Variants in RTN1 observed in about 807,000 individuals in gnomAD.
RTN1 encodes the protein reticulon 1, also known as reticulon-1.
Under a neutral mutation model 65.5 loss-of-function variants are expected in RTN1, and 25 were observed. The ratio of observed to expected loss-of-function variants is 0.38; its 90% CI spans 0.28 to 0.53. The LOEUF (loss-of-function observed/expected upper bound fraction) is 0.53, where lower values mean the gene tolerates loss of function less well. Among genes scored for constraint, RTN1 ranks in the 20% least tolerant of loss-of-function variants. The pLI, the probability that RTN1 is intolerant of heterozygous loss-of-function variation, is 0.79. For missense variants in RTN1, 983 were observed against 1,025.4 expected (o/e 0.96, Z 0.57); for synonymous variants, 471 against 447.6 (o/e 1.05, Z -0.66).
intron 3 of RTN1, among the ~76,000 whole-genome samples, chr14:59,690,161 A>T (rs1297937304): frequency 1.3e-5 from 2 of 152,086 alleles, no homozygotes; most frequent in Non-Finnish European, 2.9e-5. Flanking sequence ...CTTAAAAGGC[A>T]CAGAGTGGCA....
rs556890919 is a variant in RTN1 at position 59,749,388 on chromosome 14, A to C, written c.242-2907T>G. On this transcript the variant is annotated intron_variant, in intron 1 of 8. Coordinates refer to ENST00000267484, the MANE Select transcript of RTN1 (RefSeq NM_021136.3). ...TATATATCTATATATCTATATCTATATATATCTATATATATCTATATCTAT... is the reference window on the plus strand; with the variant it reads ...TATATATCTATATATCTATATCTATCTATATCTATATATATCTATATCTAT... Among the ~76,000 whole-genome samples the C allele has an allele frequency of 1.9e-4, 9 of 47,110 alleles. 2 individuals carry two copies. The highest frequency in any genetic ancestry group is 1.1e-3 in the East Asian group (2 of 1,850). The allele number at this position is 47,110 out of a possible 152,430, so 30.9% of individuals were successfully genotyped here.
At chr14:59,740,843 G>T (rs1885101294) in intron 2 of RTN1, among the ~76,000 whole-genome samples, 2 of 152,134 alleles carry the variant, frequency 1.3e-5, no homozygotes, top group Non-Finnish European at 1.5e-5. Flanking sequence ...GGCCCTCTAA[G>T]ATATTGGTTA....
At chr14:59,712,371 G>A (rs998803503) in intron 3 of RTN1, among the ~76,000 whole-genome samples, 1 of 152,164 alleles carries the variant, frequency 6.6e-6, no homozygotes, top group Non-Finnish European at 1.5e-5. Flanking sequence ...GATATTATGG[G>A]TGAGGAACTA....
chr14:59,731,296 G>C (rs954471218), intron 2 of RTN1, among the ~76,000 whole-genome samples: 1 of 152,112 alleles, frequency 6.6e-6, no homozygotes, highest in East Asian at 1.9e-4. Context: ...TCCAGAATAA[G>C]TAAATTTATA....
At chr14:59,614,317 C>T (rs1281669169) in intron 3 of RTN1, among the ~76,000 whole-genome samples, 1 of 152,116 alleles carries the variant, frequency 6.6e-6, no homozygotes, top group African/African-American at 2.4e-5. Flanking sequence ...TGGCCCTGCT[C>T]CTCCAAGGGC....
intron 3 of RTN1, among the ~76,000 whole-genome samples, chr14:59,627,518 T>C (rs988709070): frequency 3.9e-5 from 6 of 152,278 alleles, no homozygotes; most frequent in Admixed American, 3.9e-4. Flanking sequence ...TGTAAGATTG[T>C]TATCTATACA....
At position 59,746,174 on chromosome 14, in the gene RTN1, T is replaced by G; in HGVS notation, c.549A>C (p.Ala183=). The change falls in exon 2 of 9, where the codon GCA becomes GCC. Residue 183 remains alanine, a synonymous_variant. Coordinates refer to ENST00000267484, the MANE Select transcript of RTN1 (RefSeq NM_021136.3). ...AESTEVNKIL[A]DPLDQMKAEA... ...CTGCTTTCATCTGGTCCAGAGGGTC[T>G]GCTAAGATCTTGTTCACTTCCGTGG... 1 of 1,607,044 alleles carries G rather than the reference T, an allele frequency of 6.2e-7. No homozygotes were observed. The highest frequency in any genetic ancestry group is 8.5e-7 in the Non-Finnish European group (1 of 1,177,520).
At chr14:59,625,575 C>A (rs960109082) in intron 3 of RTN1, among the ~76,000 whole-genome samples, 2 of 152,090 alleles carry the variant, frequency 1.3e-5, no homozygotes, top group African/African-American at 4.8e-5. Flanking sequence ...ATTTTATCAA[C>A]ACTGTTTTTG....
In RTN1 at chr14:59,615,180, C is replaced by T. The variant is rs781303214; in HGVS notation, c.1766-7688G>A. 1.3e-3 allele frequency among the ~76,000 whole-genome samples: 198 copies of T among 152,056 alleles called. 6 individuals carry two copies. Among genetic ancestry groups the T allele is most frequent in the East Asian group, 5.8e-4 (3 of 5,170 alleles). ...AAACATTAAAAGCGGCTGGGCATGG[C>T]GGCTCATGCCTGTAATCCCAGCACT... is the stretch of plus-strand genomic sequence containing the variant. On this transcript the variant is annotated intron_variant, in intron 3 of 8. Transcript: ENST00000267484.
chr14:59,762,307 G>C (rs1161037288), intron 1 of RTN1, among the ~76,000 whole-genome samples: 1 of 152,200 alleles, frequency 6.6e-6, no homozygotes, highest in Non-Finnish European at 1.5e-5. Flanking sequence ...TTCCTCACTT[G>C]CAAAAGGAGG....
At chr14:59,760,633 G>A (rs1566717850) in intron 1 of RTN1, among the ~76,000 whole-genome samples, 1 of 152,208 alleles carries the variant, frequency 6.6e-6, no homozygotes, top group African/African-American at 2.4e-5. Context: ...TTTGAAGACA[G>A]CTATGGCCTC....
At chr14:59,692,771 A>G (rs1005054575) in intron 3 of RTN1, among the ~76,000 whole-genome samples, 2 of 152,248 alleles carry the variant, frequency 1.3e-5, no homozygotes, top group Non-Finnish European at 2.9e-5. Flanking sequence ...ACCTACAGCC[A>G]TCTGATATTC....
intron 1 of RTN1, among the ~76,000 whole-genome samples, chr14:59,839,330 C>T (rs561199975): frequency 2.6e-5 from 4 of 152,270 alleles, no homozygotes; most frequent in South Asian, 2.1e-4. Context: ...ACGTTTAAAA[C>T]ACTCATTAGC....
At chr14:59,809,572 T>A (rs1034561420) in intron 1 of RTN1, among the ~76,000 whole-genome samples, 4 of 152,140 alleles carry the variant, frequency 2.6e-5, no homozygotes, top group Non-Finnish European at 4.4e-5. Flanking sequence ...CAGTGAAATA[T>A]AAAGGTAAAT....
intron 2 of RTN1, among the ~76,000 whole-genome samples, chr14:59,741,975 G>GT (rs894147332): frequency 6.6e-6 from 1 of 152,138 alleles, no homozygotes. Flanking sequence ...TTATGGGTTT[G>GT]TTTTTTATTG....
At chr14:59,754,188 T>A (rs1177318324) in intron 1 of RTN1, among the ~76,000 whole-genome samples, 1 of 152,216 alleles carries the variant, frequency 6.6e-6, no homozygotes, top group East Asian at 1.9e-4. Flanking sequence ...ACTATTGCCA[T>A]TAAATCCCAA....
At chr14:59,654,094 A>G (rs189098437) in intron 3 of RTN1, among the ~76,000 whole-genome samples, 1 of 152,270 alleles carries the variant, frequency 6.6e-6, no homozygotes, top group East Asian at 1.9e-4. Context: ...ATGTTTAAAA[A>G]GAATTAACAG....
At chr14:59,710,664 C>A (rs59693563) in intron 3 of RTN1, among the ~76,000 whole-genome samples, 3,026 of 152,280 alleles carry the variant, frequency 0.02, 103 homozygotes, top group African/African-American at 0.069. Context: ...GCAAAGCAGG[C>A]CTGCCATGGC....
At chr14:59,830,268 G>T (rs1216009913) in intron 1 of RTN1, among the ~76,000 whole-genome samples, 1 of 152,190 alleles carries the variant, frequency 6.6e-6, no homozygotes, top group Admixed American at 6.5e-5. Context: ...AAGATCTTCA[G>T]TGCCAACATT....
Sources: gnomAD v4.1 joint callset for allele counts (sites outside exome capture counted in the v4.1 genomes callset) on GRCh38, gnomAD v4.1.1 for gene constraint, MANE v1.5 for transcripts, NCBI Gene and HGNC (gene_info 2026-07-23, HGNC 2026-07-21) for gene names.